The following RYR2 variants were observed in gnomAD, a reference collection of about 807,000 sequenced individuals.
The protein encoded by RYR2 is ryanodine receptor 2.
In RYR2, 227 loss-of-function variants were observed where a neutral mutation model predicts 601.1. The ratio of observed to expected loss-of-function variants is 0.38; its 90% CI spans 0.34 to 0.42. The LOEUF is 0.42. Among genes scored for constraint, RYR2 ranks in the 10% least tolerant of loss-of-function variants. RYR2 has a pLI of 1.00. For missense variants in RYR2, 4,646 were observed against 6,156.5 expected (o/e 0.75, Z 8.21); for synonymous variants, 2,223 against 2,175.1 (o/e 1.02, Z -0.61).
rs1676020310 is a variant in RYR2 at position 237,597,487 on chromosome 1, G to T, written c.4596+1830G>T. Among the ~76,000 whole-genome samples, 5 of 151,694 alleles carry T rather than the reference G, an allele frequency of 3.3e-5. No individual in the cohort carries two copies. The South Asian group carries it at 1.1e-3, about 32-fold the overall frequency. ...AATAGAGATGGGGTTTCACGATGTT[G>T]GCCAGGATGGTCTCGATCTCCTGAC... On this transcript the variant is annotated intron_variant, in intron 34 of 104. Coordinates refer to ENST00000366574, the MANE Select transcript of RYR2 (RefSeq NM_001035.3).
intron 12 of RYR2, among the ~76,000 whole-genome samples, chr1:237,430,182 T>C (rs557124287): frequency 6.6e-6 from 1 of 150,574 alleles, no homozygotes; most frequent in South Asian, 2.1e-4. Flanking sequence ...ATATGTTTTA[T>C]ATGTTATATC....
intron 14 of RYR2, among the ~76,000 whole-genome samples, chr1:237,451,580 CAA>C (rs3035864): frequency 0.021 from 2,524 of 120,022 alleles, 21 homozygotes; most frequent in Non-Finnish European, 0.03. Flanking sequence ...AACTCTGTCT[CAA>C]AAAAAAAAAA....
At chr1:237,605,829 A>C (rs560760735) in intron 35 of RYR2, among the ~76,000 whole-genome samples, 2 of 152,198 alleles carry the variant, frequency 1.3e-5, no homozygotes, top group African/African-American at 4.8e-5. Context: ...TGCTTCCAAG[A>C]GAATAAAATA....
chr1:237,564,364 G>A (rs763458386), intron 27 of RYR2, among the ~76,000 whole-genome samples: 4 of 151,804 alleles, frequency 2.6e-5, no homozygotes, highest in Non-Finnish European at 5.9e-5. Flanking sequence ...TCTGCTTCCC[G>A]GGCTCAAGCA....
intron 33 of RYR2, 89 bp from the exon 34 acceptor site, chr1:237,595,409 G>A (rs1349745470): frequency 1.3e-5 from 19 of 1,465,046 alleles, no homozygotes; most frequent in Admixed American, 6.9e-5. Flanking sequence ...TGTTGCTTGC[G>A]CAGCATAATT....
chr1:237,335,153 C>T (rs547362710), intron 3 of RYR2, among the ~76,000 whole-genome samples: 42 of 152,040 alleles, frequency 2.8e-4, no homozygotes, highest in Non-Finnish European at 5.4e-4. Flanking sequence ...TGTAGTTTGC[C>T]GATTTAATGA....
chr1:237,390,601 TG>T (rs1450524537), intron 10 of RYR2, among the ~76,000 whole-genome samples: 1 of 152,172 alleles, frequency 6.6e-6, no homozygotes, highest in Non-Finnish European at 1.5e-5. Flanking sequence ...TCTGGGCATA[TG>T]GATGACAGAA....
intron 73 of RYR2, among the ~76,000 whole-genome samples, chr1:237,720,629 T>C (rs957569209): frequency 3.3e-5 from 5 of 152,230 alleles, no homozygotes; most frequent in Admixed American, 1.3e-4. Context: ...AATGTTTTTA[T>C]GTACATGGGT....
chr1:237,518,664 T>C (rs1170946985), intron 24 of RYR2, among the ~76,000 whole-genome samples: 1 of 152,236 alleles, frequency 6.6e-6, no homozygotes, highest in African/African-American at 2.4e-5. Context: ...CATCCATTGA[T>C]GGACACTTAG....
rs571266320 is a variant in RYR2, at chr1:237,119,004, G to T, written c.48+76435G>T. Among the ~76,000 whole-genome samples, 13 of 152,164 alleles carry T rather than the reference G, an allele frequency of 8.5e-5. No homozygotes were observed. In the East Asian group the frequency reaches 1.9e-3, roughly 23 times the overall value. On this transcript the variant is annotated intron_variant, in intron 1 of 104. Coordinates refer to ENST00000366574, the MANE Select transcript of RYR2 (RefSeq NM_001035.3). ...GTGAAGAAGTCTATTTCTAATGTGG[G>T]GGGTATGGGCTGAATGATGTTCTTC...
At chr1:237,718,004 T>C (rs1558280904) in intron 72 of RYR2, among the ~76,000 whole-genome samples, 1 of 152,202 alleles carries the variant, frequency 6.6e-6, no homozygotes, top group Non-Finnish European at 1.5e-5. Context: ...AATGAGTGAA[T>C]TGAGGGGAAG....
intron 25 of RYR2, 116 bp downstream of exon 25, chr1:237,530,626 C>CTG: frequency 1.2e-6 from 1 of 821,568 alleles, no homozygotes. Flanking sequence ...AATTCAGATT[C>CTG]AAGGCTGGGT....
chr1:237,456,529 A>G (rs1233412482), intron 15 of RYR2, 71 bp from the exon 16 acceptor site: 7 of 1,392,554 alleles, frequency 5.0e-6, no homozygotes, highest in Non-Finnish European at 6.6e-6. Flanking sequence ...TCAACTTAGC[A>G]TTTTTAGTCT....
chr1:237,082,493 C>A (rs937303406), intron 1 of RYR2, among the ~76,000 whole-genome samples: 2 of 130,640 alleles, frequency 1.5e-5, no homozygotes, highest in African/African-American at 5.3e-5. Flanking sequence ...GGAATTAAAA[C>A]CCCTGTGTTA....
intron 3 of RYR2, among the ~76,000 whole-genome samples, chr1:237,350,687 T>C (rs182076140): frequency 2.2e-5 from 3 of 139,080 alleles, no homozygotes; most frequent in East Asian, 4.2e-4. Context: ...GAAATCAAGA[T>C]GGACATTTCC....
chr1:237,171,782 C>A (rs555990435), intron 1 of RYR2, among the ~76,000 whole-genome samples: 1 of 152,276 alleles, frequency 6.6e-6, no homozygotes, highest in African/African-American at 2.4e-5. Flanking sequence ...CTATTTTTGC[C>A]ACACACCCAG....
chr1:237,540,909 GTGTA>G (rs1177934467), intron 25 of RYR2, among the ~76,000 whole-genome samples: 1 of 121,974 alleles, frequency 8.2e-6, no homozygotes, highest in Non-Finnish European at 1.9e-5. Context: ...GCATGTGTGT[GTGTA>G]TATATATATA....
chr1:237,828,698 T>G (rs1663433176), intron 102 of RYR2, among the ~76,000 whole-genome samples: 2 of 152,188 alleles, frequency 1.3e-5, no homozygotes, highest in African/African-American at 4.8e-5. Flanking sequence ...GAGAGACTAT[T>G]CATTCGAAAC....
chr1:237,235,983 C>T (rs1685512172), intron 1 of RYR2, among the ~76,000 whole-genome samples: 1 of 152,160 alleles, frequency 6.6e-6, no homozygotes, highest in Non-Finnish European at 1.5e-5. Context: ...TTTCTCAACC[C>T]TCTAGTCATC....
Sources: gnomAD v4.1 joint callset for allele counts (sites outside exome capture counted in the v4.1 genomes callset) on GRCh38, gnomAD v4.1.1 for gene constraint, MANE v1.5 for transcripts, NCBI Gene and HGNC (gene_info 2026-07-23, HGNC 2026-07-21) for gene names.